ITIH5: variants seen among roughly 807,000 people sequenced by gnomAD.
ITIH5 encodes inter-alpha-trypsin inhibitor heavy chain H5.
A neutral mutation model predicts 77.5 loss-of-function variants in ITIH5; 65 were observed. The ratio of observed to expected loss-of-function variants is 0.84; its 90% CI spans 0.69 to 1.03. The LOEUF (loss-of-function observed/expected upper bound fraction) is 1.03, where lower values mean the gene tolerates loss of function less well. Ranked by LOEUF, ITIH5 falls within the 50% of genes least tolerant of loss-of-function variation. The pLI is 0.00. For missense variants in ITIH5, 1,208 were observed against 1,213.1 expected, an observed-to-expected ratio of 1.00 and a Z score of 0.06; for synonymous variants, 525 against 494.3, an observed-to-expected ratio of 1.06 and a Z score of -0.82.
At chr10:7,606,439 C>A (rs145051502) in intron 7 of ITIH5, among the ~76,000 whole-genome samples, 1 of 152,304 alleles carries the variant, frequency 6.6e-6, no homozygotes, top group East Asian at 1.9e-4. Context: ...AGTATAAGAT[C>A]ATGTCCTTTG....
intron 5 of ITIH5, among the ~76,000 whole-genome samples, chr10:7,626,511 G>A (rs1265682687): frequency 1.3e-5 from 2 of 152,198 alleles, no homozygotes; most frequent in African/African-American, 2.4e-5. Flanking sequence ...AAGGTACAGA[G>A]ATTTCGCAGA....
chr10:7,603,406 C>T (rs1564255242), intron 7 of ITIH5, among the ~76,000 whole-genome samples: 1 of 152,076 alleles, frequency 6.6e-6, no homozygotes, highest in Non-Finnish European at 1.5e-5. Context: ...GGTGAACAAG[C>T]AATGACTGCT....
At chr10:7,655,021 G>C (rs1457557601) in intron 2 of ITIH5, among the ~76,000 whole-genome samples, 1 of 152,128 alleles carries the variant, frequency 6.6e-6, no homozygotes, top group Non-Finnish European at 1.5e-5. Context: ...TTGTGATATT[G>C]GTAATGACAA....
At chr10:7,567,209 C>G (rs1250821087) in intron 12 of ITIH5, among the ~76,000 whole-genome samples, 1 of 151,996 alleles carries the variant, frequency 6.6e-6, no homozygotes, top group African/African-American at 2.4e-5. Context: ...ACACAGCTTA[C>G]CATGTTCGTC....
chr10:7,574,792 C>CG (rs1554748361), intron 10 of ITIH5, among the ~76,000 whole-genome samples: 27,052 of 79,020 alleles, frequency 0.34, 3,366 homozygotes, highest in African/African-American at 0.43. Context: ...GACTCCATCT[C>CG]GGAAAAAAAA....
intron 8 of ITIH5, among the ~76,000 whole-genome samples, chr10:7,581,870 A>ATTTTTTTT: frequency 1.2e-5 from 1 of 81,450 alleles, no homozygotes; most frequent in Non-Finnish European, 2.3e-5. Context: ...CCACCCATGT[A>ATTTTTTTT]TTTTTTTTTT....
rs559906248 is a variant in ITIH5 at position 7,629,146 on chromosome 10, T to C, written c.652+8082A>G. Among the ~76,000 whole-genome samples, 41 of 139,800 alleles carry C rather than the reference T, an allele frequency of 2.9e-4. 1 individual carries two copies. The highest frequency in any genetic ancestry group is 9.5e-4 in the African/African-American group (38 of 39,850). The allele number at this position is 139,800 out of a possible 152,430, so 91.7% of individuals were successfully genotyped here. A position where few individuals can be genotyped will look rare whatever the true frequency, so the allele number is the denominator to read the frequency against. The stretch of plus-strand genomic sequence containing the variant: ...GTCCGTGTTGTAGCATGTGTCCGTG[T>C]TGTGGCATGCATCCATGTTATCATA... On this transcript the variant is annotated intron_variant, in intron 5 of 13. Coordinates refer to ENST00000397146, the MANE Select transcript of ITIH5 (RefSeq NM_030569.7).
chr10:7,565,495 TTATG>T (rs1832131791), intron 13 of ITIH5, among the ~76,000 whole-genome samples: 1 of 150,422 alleles, frequency 6.6e-6, no homozygotes, highest in African/African-American at 2.4e-5. Flanking sequence ...TGATTATATA[TTATG>T]TATATGTGTG....
chr10:7,625,976 C>T lies in ITIH5; in HGVS notation c.653-8694G>A, dbSNP rs527524403. On this transcript the variant is annotated intron_variant, in intron 5 of 13. Transcript: ENST00000397146. ...CATGTGAGAGTTCACGTCCAGCTTG[C>T]GGAACACTGAGGATGAAAATGATGA... 8.5e-5 allele frequency among the ~76,000 whole-genome samples: 13 copies of T among 152,280 alleles called. No homozygotes were observed. The South Asian group carries it at 1.7e-3, about 19-fold the overall frequency.
intron 5 of ITIH5, among the ~76,000 whole-genome samples, chr10:7,635,400 G>A (rs1202876037): frequency 6.6e-6 from 1 of 152,104 alleles, no homozygotes; most frequent in Non-Finnish European, 1.5e-5. Flanking sequence ...TTTTTTACAA[G>A]GTTACAATTA....
rs190468299 is a variant in ITIH5, at chr10:7,632,656, C to T, written c.652+4572G>A. Among the ~76,000 whole-genome samples the T allele has an allele frequency of 5.2e-3, 794 of 152,246 alleles. 8 individuals carry two copies. Among genetic ancestry groups the T allele is most frequent in the Middle Eastern group, 0.037 (11 of 294 alleles). ...AATATCACACCCAAAAGTACAGCTCCGTAGCCCCACCCTAATACATTCAAA... is the reference window on the plus strand; with the variant it reads ...AATATCACACCCAAAAGTACAGCTCTGTAGCCCCACCCTAATACATTCAAA... On this transcript the variant is annotated intron_variant, in intron 5 of 13. Transcript: ENST00000397146.
chr10:7,642,792 C>T (rs1833911055), intron 2 of ITIH5, among the ~76,000 whole-genome samples: 1 of 152,208 alleles, frequency 6.6e-6, no homozygotes, highest in Non-Finnish European at 1.5e-5. Flanking sequence ...AACAGAGCTA[C>T]ATCTGGTGAC....
intron 11 of ITIH5, chr10:7,572,794 T>TTTTTTTA: frequency 1.2e-5 from 2 of 163,078 alleles, no homozygotes; most frequent in Admixed American, 6.3e-5. Context: ...TTTTTTTTTT[T>TTTTTTTA]GAGACAGAGT....
intron 7 of ITIH5, among the ~76,000 whole-genome samples, chr10:7,604,347 C>A (rs1435616802): frequency 6.6e-6 from 1 of 152,178 alleles, no homozygotes; most frequent in African/African-American, 2.4e-5. Flanking sequence ...AGGTTCAACC[C>A]CCCACCTCAG....
At chr10:7,617,585 C>T (rs1027209686) in intron 5 of ITIH5, 6 of 199,676 alleles carry the variant, frequency 3.0e-5, no homozygotes, top group African/African-American at 6.9e-5. Context: ...ATGTTACCAA[C>T]CTTTTGTATG....
At chr10:7,660,483 C>T (rs953203128) in intron 1 of ITIH5, among the ~76,000 whole-genome samples, 1 of 152,182 alleles carries the variant, frequency 6.6e-6, no homozygotes, top group African/African-American at 2.4e-5. Context: ...GAGGTAAAGG[C>T]TTCCTTAGGA....
At chr10:7,629,477 ATGTGTCCATGTTGTAGCG>A (rs1833675549) in intron 5 of ITIH5, among the ~76,000 whole-genome samples, 3 of 129,172 alleles carry the variant, frequency 2.3e-5, no homozygotes, top group East Asian at 2.3e-4. Context: ...GTGTTTTCGC[ATGTGTCCATGTTGTAGCG>A]TGTGTCCATG....
intron 5 of ITIH5, chr10:7,617,582 C>T (rs1833395072): frequency 4.9e-6 from 1 of 203,668 alleles, no homozygotes; most frequent in African/African-American, 2.3e-5. Flanking sequence ...AGCATGTTAC[C>T]AACCTTTTGT....
chr10:7,624,799 AT>A lies in ITIH5; in HGVS notation c.653-7518del, dbSNP rs1441613115. ...AGACTCTGCCTAAAAAAAAAAAAAAATATATATATATATACACATATATATG... is the reference window on the plus strand; with the variant it reads ...AGACTCTGCCTAAAAAAAAAAAAAAAATATATATATATACACATATATATG... On this transcript the variant is annotated intron_variant, in intron 5 of 13. Transcript: ENST00000397146. Among the ~76,000 whole-genome samples, 91 of 85,222 alleles carry A rather than the reference AT, an allele frequency of 1.1e-3. 2 individuals are homozygous for A. Among genetic ancestry groups the A allele is most frequent in the Middle Eastern group, 5.7e-3 (1 of 174 alleles). 55.9% of individuals were successfully genotyped at this position (85,222 alleles called of 152,430 possible).
Sources: allele counts gnomAD v4.1 joint callset (sites outside exome capture counted in the v4.1 genomes callset), GRCh38; gene constraint gnomAD v4.1.1; transcripts MANE v1.5; gene names NCBI Gene and HGNC (gene_info 2026-07-23, HGNC 2026-07-21).